The following FRAS1 variants were observed in gnomAD, a reference collection of about 807,000 sequenced individuals.
The protein encoded by FRAS1 is extracellular matrix organizing protein FRAS1.
In FRAS1, 290 loss-of-function variants were observed where a neutral mutation model predicts 435.2. The ratio of observed to expected loss-of-function variants is 0.67; its 90% CI spans 0.61 to 0.73. FRAS1 has a LOEUF of 0.73. Ranked by LOEUF, FRAS1 falls within the 30% of genes least tolerant of loss-of-function variation. The pLI, the probability that FRAS1 is intolerant of heterozygous loss-of-function variation, is 0.00. For synonymous variants in FRAS1, 1,800 were observed against 1,851.0 expected, an observed-to-expected ratio of 0.97 and a Z score of 0.71; for missense variants, 4,860 against 5,001.5, an observed-to-expected ratio of 0.97 and a Z score of 0.85.
At chr4:78,321,121 A>C (rs1358537261) in intron 18 of FRAS1, among the ~76,000 whole-genome samples, 1 of 152,230 alleles carries the variant, frequency 6.6e-6, no homozygotes, top group Admixed American at 6.5e-5. Context: ...AGGGTTTTTC[A>C]GCCCAGAAAA....
chr4:78,261,665 A>G (rs1245597990), intron 6 of FRAS1, among the ~76,000 whole-genome samples: 2 of 151,668 alleles, frequency 1.3e-5, no homozygotes, highest in Non-Finnish European at 2.9e-5. Flanking sequence ...ACACAGAAAA[A>G]ATCTGAACAA....
chr4:78,231,811 G>A (rs978826711), intron 2 of FRAS1, among the ~76,000 whole-genome samples: 1 of 151,762 alleles, frequency 6.6e-6, no homozygotes, highest in East Asian at 1.9e-4. Context: ...TTACTTTGAA[G>A]TATTTGGGGA....
At chr4:78,476,058 G>C (rs1202077545) in intron 54 of FRAS1, among the ~76,000 whole-genome samples, 1 of 152,188 alleles carries the variant, frequency 6.6e-6, no homozygotes, top group Non-Finnish European at 1.5e-5. Context: ...GGATGGATTT[G>C]ACAGATGAGT....
chr4:78,203,549 C>CTATTT (rs1181618591), intron 2 of FRAS1, among the ~76,000 whole-genome samples: 1 of 151,776 alleles, frequency 6.6e-6, no homozygotes, highest in African/African-American at 2.4e-5. Context: ...CTCTCTCTCT[C>CTATTT]TATTTTATTT....
intron 2 of FRAS1, among the ~76,000 whole-genome samples, chr4:78,216,741 G>T (rs1578189989): frequency 6.6e-6 from 1 of 152,264 alleles, no homozygotes; most frequent in East Asian, 1.9e-4. Context: ...CCATGATAGA[G>T]AATAATATGG....
chr4:78,441,439 TTTCA>T, intron 41 of FRAS1, 142 bp downstream of exon 41: 1 of 820,476 alleles, frequency 1.2e-6, no homozygotes, highest in South Asian at 1.7e-5. Context: ...GGTAGGAAGG[TTTCA>T]TTCATTCAAC....
intron 2 of FRAS1, among the ~76,000 whole-genome samples, chr4:78,102,158 TG>T (rs777952775): frequency 6.6e-6 from 1 of 152,308 alleles, no homozygotes. Flanking sequence ...CAAGAAAAAC[TG>T]GAACAAGTTT....
intron 17 of FRAS1, among the ~76,000 whole-genome samples, chr4:78,318,049 T>C (rs1291023291): frequency 6.6e-6 from 1 of 152,226 alleles, no homozygotes; most frequent in Admixed American, 6.5e-5. Context: ...AATGTATATT[T>C]ATTTATACAT....
At chr4:78,237,884 T>C (rs1724831527) in intron 3 of FRAS1, among the ~76,000 whole-genome samples, 1 of 152,202 alleles carries the variant, frequency 6.6e-6, no homozygotes, top group Admixed American at 6.5e-5. Flanking sequence ...AATAATGTTA[T>C]CCCATTTAAT....
intron 66 of FRAS1, among the ~76,000 whole-genome samples, chr4:78,518,456 ATTTATTTATT>A (rs1721288064): frequency 2.0e-5 from 2 of 102,218 alleles, no homozygotes; most frequent in Admixed American, 1.9e-4. Context: ...ATATATATTT[ATTTATTTATT>A]TATTTGTGGA....
chr4:78,371,761 C>T (rs1731519971), intron 23 of FRAS1, among the ~76,000 whole-genome samples: 2 of 152,226 alleles, frequency 1.3e-5, no homozygotes, highest in Admixed American at 1.3e-4. Context: ...AGCTACAACA[C>T]TGGCTTTCAA....
Position 78,496,831 on chromosome 4 carries a change from C to G in FRAS1, c.8985C>G (p.His2995Gln), listed in dbSNP as rs201241555. The G allele has an allele frequency of 7.4e-6, 12 of 1,613,618 alleles. No homozygotes were observed. Among genetic ancestry groups the G allele is most frequent in the African/African-American group, 1.3e-5 (1 of 74,892 alleles). ...DKVKNCTVYI[H>Q]DDSMFEPEEQ... ...TGAAGAACTGTACGGTCTATATCCA[C>G]GATGACTCCATGTTTGAGCCAGAGG... The change falls in exon 60 of 74, where the codon CAC becomes CAG. Residue 2995 changes from histidine (H) to glutamine (Q), a missense_variant. Coordinates refer to ENST00000512123, the MANE Select transcript of FRAS1 (RefSeq NM_025074.7).
intron 14 of FRAS1, among the ~76,000 whole-genome samples, chr4:78,291,991 G>T (rs1727918258): frequency 6.6e-6 from 1 of 152,082 alleles, no homozygotes. Context: ...TGCAAAATGG[G>T]GACGATATTA....
intron 67 of FRAS1, among the ~76,000 whole-genome samples, chr4:78,520,401 C>T (rs1392204217): frequency 6.6e-6 from 1 of 151,828 alleles, no homozygotes; most frequent in Non-Finnish European, 1.5e-5. Context: ...CTGGGGCAAA[C>T]ATACTAAAAA....
Position 78,452,232 on chromosome 4 carries a change from C to T in FRAS1, c.6641C>T (p.Ser2214Leu). Reference sequence around the variant, plus strand: ...AAAGGACTGGTCTTGGATGAAAACTCAGTGAAGAAAATCACCACCCTGCAG... The same window carrying T: ...AAAGGACTGGTCTTGGATGAAAACTTAGTGAAGAAAATCACCACCCTGCAG... ...TNKGLVLDEN[S>L]VKKITTLQLS... Residue 2214 changes from serine (S) to leucine (L), a missense_variant, in exon 47 of 74, where the codon TCA becomes TTA. Transcript: ENST00000512123. 2 of 1,613,812 alleles carry T rather than the reference C, an allele frequency of 1.2e-6. No homozygotes were observed. The highest frequency in any genetic ancestry group is 1.7e-6 in the Non-Finnish European group (2 of 1,179,746).
At chr4:78,221,119 G>T (rs554052212) in intron 2 of FRAS1, among the ~76,000 whole-genome samples, 1 of 152,278 alleles carries the variant, frequency 6.6e-6, no homozygotes, top group East Asian at 1.9e-4. Context: ...CGTGAGCTGA[G>T]ATCACGCCAC....
At chr4:78,292,518 C>G (rs72657046) in intron 14 of FRAS1, among the ~76,000 whole-genome samples, 34,419 of 152,080 alleles carry the variant, frequency 0.23, 5,082 homozygotes, top group Non-Finnish European at 0.33. Context: ...ACTGGAGCAG[C>G]CAGTCATTTG....
At chr4:78,538,623 G>A (rs1721955661) in intron 72 of FRAS1, among the ~76,000 whole-genome samples, 1 of 152,138 alleles carries the variant, frequency 6.6e-6, no homozygotes, top group Non-Finnish European at 1.5e-5. Flanking sequence ...CATAGGGGCA[G>A]CAAGAAGTGC....
chr4:78,356,899 C>G (rs1156507878), intron 20 of FRAS1, among the ~76,000 whole-genome samples: 1 of 151,962 alleles, frequency 6.6e-6, no homozygotes, highest in Non-Finnish European at 1.5e-5. Flanking sequence ...CACACACAGA[C>G]AGAGAGAGAG....
Sources: gnomAD v4.1 joint callset for allele counts (sites outside exome capture counted in the v4.1 genomes callset) on GRCh38, gnomAD v4.1.1 for gene constraint, MANE v1.5 for transcripts, NCBI Gene and HGNC (gene_info 2026-07-23, HGNC 2026-07-21) for gene names.